The following SOX5 variants were observed in gnomAD, a reference collection of about 807,000 sequenced individuals.
SOX5 encodes the protein SRY-box transcription factor 5, also known as transcription factor SOX-5.
SOX5 carries 9 observed loss-of-function variants against 92.0 expected under a neutral mutation model. That is an observed-to-expected ratio of 0.10 (90% CI 0.06 to 0.17). The LOEUF is 0.17. Ranked by LOEUF, SOX5 falls within the 10% of genes least tolerant of loss-of-function variation. The pLI is 1.00. For synonymous variants in SOX5, 344 were observed against 336.3 expected, an observed-to-expected ratio of 1.02 and a Z score of -0.25; for missense variants, 642 against 944.5, an observed-to-expected ratio of 0.68 and a Z score of 4.20.
chr12:23,830,780 A>AG (rs1235783668), intron 3 of SOX5, among the ~76,000 whole-genome samples: 2 of 152,180 alleles, frequency 1.3e-5, no homozygotes, highest in African/African-American at 2.4e-5. Context: ...GGTAAGATTA[A>AG]GGGGTAAATC....
intron 3 of SOX5, among the ~76,000 whole-genome samples, chr12:23,830,078 C>T (rs1568135827): frequency 6.6e-6 from 1 of 152,056 alleles, no homozygotes; most frequent in Non-Finnish European, 1.5e-5. Flanking sequence ...TCAGCATAAA[C>T]TGCTATGATG....
intron 1 of SOX5, among the ~76,000 whole-genome samples, chr12:24,554,849 A>G (rs1277784543): frequency 6.6e-6 from 1 of 152,144 alleles, no homozygotes; most frequent in Non-Finnish European, 1.5e-5. Flanking sequence ...GCAACAACTC[A>G]ATTCTCAGTC....
At chr12:24,355,279 C>T (rs972795576) in intron 2 of SOX5, among the ~76,000 whole-genome samples, 1 of 95,610 alleles carries the variant, frequency 1.0e-5, no homozygotes, top group African/African-American at 4.7e-5. Flanking sequence ...GTGAGGGGTG[C>T]ATCTTTTTTT....
At chr12:23,721,648 ACTAT>A (rs1468969462) in intron 6 of SOX5, among the ~76,000 whole-genome samples, 1 of 152,156 alleles carries the variant, frequency 6.6e-6, no homozygotes, top group Admixed American at 6.5e-5. Context: ...CACTCAAATG[ACTAT>A]CTTTGAGTAT....
intron 3 of SOX5, among the ~76,000 whole-genome samples, chr12:23,780,966 G>A (rs570197845): frequency 1.4e-4 from 22 of 151,976 alleles, no homozygotes; most frequent in African/African-American, 5.3e-4. Flanking sequence ...GAAGAATCAG[G>A]GAAGATTCTA....
intron 3 of SOX5, among the ~76,000 whole-genome samples, chr12:23,834,574 G>A (rs1213329511): frequency 6.6e-6 from 1 of 151,828 alleles, no homozygotes; most frequent in African/African-American, 2.4e-5. Context: ...TTTACCCAAG[G>A]CAGCAAGAGG....
intron 3 of SOX5, among the ~76,000 whole-genome samples, chr12:24,250,120 T>C (rs1939736069): frequency 6.6e-6 from 1 of 152,230 alleles, no homozygotes; most frequent in Non-Finnish European, 1.5e-5. Flanking sequence ...AAACTGCGTA[T>C]TCCCAAAATC....
At chr12:23,697,352 A>T (rs1347733791) in intron 6 of SOX5, among the ~76,000 whole-genome samples, 2 of 152,174 alleles carry the variant, frequency 1.3e-5, no homozygotes, top group African/African-American at 4.8e-5. Flanking sequence ...TAGCTCTGAA[A>T]TCTATTTGAC....
chr12:24,109,901 T>C (rs1485211721), intron 4 of SOX5, among the ~76,000 whole-genome samples: 1 of 152,224 alleles, frequency 6.6e-6, no homozygotes, highest in East Asian at 1.9e-4. Context: ...TTGCAAAACA[T>C]ACGTCCACAA....
chr12:23,584,749 ATG>A, intron 9 of SOX5: 12 of 482,960 alleles, frequency 2.5e-5, no homozygotes, highest in Middle Eastern at 4.9e-4. Flanking sequence ...GTGTGTGTGT[ATG>A]TGTGTGTGTT....
chr12:24,455,125 G>GCC (rs34183331), intron 1 of SOX5, among the ~76,000 whole-genome samples: 1 of 152,138 alleles, frequency 6.6e-6, no homozygotes, highest in Non-Finnish European at 1.5e-5. Context: ...CATCCATGTA[G>GCC]CCCCCTTTGT....
At chr12:24,278,233 T>C (rs768790666) in intron 2 of SOX5, among the ~76,000 whole-genome samples, 11 of 152,230 alleles carry the variant, frequency 7.2e-5, no homozygotes, top group Non-Finnish European at 1.5e-4. Flanking sequence ...ATTACCATAC[T>C]ATATCTTCCT....
intron 1 of SOX5, among the ~76,000 whole-genome samples, chr12:24,461,740 G>A (rs540339974): frequency 5.9e-4 from 90 of 152,248 alleles, no homozygotes; most frequent in African/African-American, 2.1e-3. Flanking sequence ...TGATAGCCAA[G>A]TAAAATAAAA....
chr12:24,002,886 AT>A (rs35262768), intron 4 of SOX5, among the ~76,000 whole-genome samples: 62,706 of 151,824 alleles, frequency 0.41, 13,476 homozygotes, highest in East Asian at 0.69. Context: ...AGAAAACTAC[AT>A]TACAAATATT....
At chr12:24,401,360 A>AAAAC in intron 1 of SOX5, among the ~76,000 whole-genome samples, 1 of 151,306 alleles carries the variant, frequency 6.6e-6, no homozygotes, top group African/African-American at 2.4e-5. Flanking sequence ...TCAGGGGAAA[A>AAAAC]AAAAAAAAAA....
chr12:24,409,673 A>G (rs1419945595), intron 1 of SOX5, among the ~76,000 whole-genome samples: 1 of 152,134 alleles, frequency 6.6e-6, no homozygotes, highest in East Asian at 1.9e-4. Flanking sequence ...TGAATGAGCT[A>G]GTTTCTGTAC....
At chr12:24,413,882 T>C (rs1419411578) in intron 1 of SOX5, among the ~76,000 whole-genome samples, 1 of 152,224 alleles carries the variant, frequency 6.6e-6, no homozygotes, top group East Asian at 1.9e-4. Context: ...TTCCACATTA[T>C]GCAGTTTTGC....
Position 23,896,018 on chromosome 12 carries a change from A to C in SOX5, c.45T>G (p.Ser15=). 1 of 1,609,806 alleles carries C rather than the reference A, an allele frequency of 6.2e-7. No individual in the cohort carries two copies. Among genetic ancestry groups the C allele is most frequent in the Non-Finnish European group, 8.5e-7 (1 of 1,176,160 alleles). The change falls in exon 2 of 15, where the codon TCT becomes TCG. Residue 15 remains serine, a synonymous_variant. Coordinates refer to ENST00000451604, the MANE Select transcript of SOX5 (RefSeq NM_006940.6). ...PDLPQEFERM[S]SKRPASPYGE... ...CATACGGAGAGGCTGGTCGCTTGGA[A>C]GACATCCTGGAAGGAACAAAAGAGG...
At chr12:24,439,040 T>C (rs182908495) in intron 1 of SOX5, among the ~76,000 whole-genome samples, 2 of 152,328 alleles carry the variant, frequency 1.3e-5, no homozygotes, top group East Asian at 3.9e-4. Context: ...ACTTTATTGT[T>C]GTCTTAGGTT....
Sources: allele counts gnomAD v4.1 joint callset (sites outside exome capture counted in the v4.1 genomes callset), GRCh38; gene constraint gnomAD v4.1.1; transcripts MANE v1.5; gene names NCBI Gene and HGNC (gene_info 2026-07-23, HGNC 2026-07-21).